Variants in FHIT observed in about 807,000 individuals in gnomAD.
FHIT encodes the protein bis(5'-adenosyl)-triphosphatase.
In FHIT, 19 loss-of-function variants were observed where a neutral mutation model predicts 17.9. That is an observed-to-expected ratio of 1.06 (90% CI 0.74 to 1.56). The LOEUF (loss-of-function observed/expected upper bound fraction) is 1.56, where lower values mean the gene tolerates loss of function less well. FHIT is among the 40% of genes most tolerant of loss of function. FHIT has a pLI of 0.00. For missense variants in FHIT, 248 were observed against 189.2 expected (o/e 1.31, Z -1.82); for synonymous variants, 81 against 69.7 (o/e 1.16, Z -0.81).
At chr3:60,881,680 A>G (rs1282831938) in intron 3 of FHIT, among the ~76,000 whole-genome samples, 1 of 152,176 alleles carries the variant, frequency 6.6e-6, no homozygotes, top group Non-Finnish European at 1.5e-5. Context: ...CAAAGACTCA[A>G]TACAGAAATT....
At chr3:59,974,412 C>T (rs546076667) in intron 7 of FHIT, among the ~76,000 whole-genome samples, 2 of 152,292 alleles carry the variant, frequency 1.3e-5, no homozygotes, top group East Asian at 3.9e-4. Flanking sequence ...TAAACACCTA[C>T]CTACTGGCTT....
chr3:60,957,999 T>G (rs1709249485), intron 3 of FHIT, among the ~76,000 whole-genome samples: 1 of 152,226 alleles, frequency 6.6e-6, no homozygotes, highest in African/African-American at 2.4e-5. Context: ...ATGCTGAATT[T>G]AGACTAGATT....
At chr3:59,776,624 C>G (rs1355568560) in intron 8 of FHIT, among the ~76,000 whole-genome samples, 1 of 152,088 alleles carries the variant, frequency 6.6e-6, no homozygotes, top group African/African-American at 2.4e-5. Context: ...TAAATGGACC[C>G]CTTGCTTCTA....
At chr3:60,113,898 T>C (rs1315483468) in intron 5 of FHIT, among the ~76,000 whole-genome samples, 13 of 136,096 alleles carry the variant, frequency 9.6e-5, no homozygotes, top group African/African-American at 3.3e-4. Context: ...GCTACTGGGG[T>C]GGCTGAGGCA....
At chr3:59,952,249 CT>C (rs1336382247) in intron 7 of FHIT, among the ~76,000 whole-genome samples, 1 of 152,172 alleles carries the variant, frequency 6.6e-6, no homozygotes, top group African/African-American at 2.4e-5. Flanking sequence ...CACCTCTTTC[CT>C]GAACAACCTG....
At chr3:60,781,976 T>G (rs994523595) in intron 4 of FHIT, among the ~76,000 whole-genome samples, 3 of 152,168 alleles carry the variant, frequency 2.0e-5, no homozygotes, top group Non-Finnish European at 4.4e-5. Context: ...TCGATTCTCC[T>G]AACTGAATCA....
At chr3:61,184,541 G>T (rs1488333987) in intron 2 of FHIT, among the ~76,000 whole-genome samples, 4 of 152,038 alleles carry the variant, frequency 2.6e-5, no homozygotes, top group Non-Finnish European at 5.9e-5. Flanking sequence ...GGATGTCTGT[G>T]AACAAATATG....
intron 5 of FHIT, among the ~76,000 whole-genome samples, chr3:60,150,152 C>T (rs1013547495): frequency 6.6e-6 from 1 of 151,682 alleles, no homozygotes; most frequent in South Asian, 2.1e-4. Flanking sequence ...ATGCGCCCCC[C>T]ACGCCCGGCT....
intron 3 of FHIT, among the ~76,000 whole-genome samples, chr3:61,018,216 AC>A (rs980501255): frequency 2.2e-4 from 34 of 152,318 alleles, no homozygotes; most frequent in Admixed American, 1.8e-3. Context: ...TGGAACCAGT[AC>A]TTTAAAACAT....
At chr3:59,924,183 C>A (rs561176914) in intron 7 of FHIT, among the ~76,000 whole-genome samples, 1 of 152,284 alleles carries the variant, frequency 6.6e-6, no homozygotes, top group South Asian at 2.1e-4. Flanking sequence ...AGGAAAATAA[C>A]GTAGAACAAG....
intron 2 of FHIT, among the ~76,000 whole-genome samples, chr3:61,082,352 C>A (rs1463398938): frequency 1.3e-5 from 2 of 152,182 alleles, no homozygotes; most frequent in Non-Finnish European, 2.9e-5. Context: ...TCAGCACATG[C>A]TTTTGTATCT....
At chr3:60,249,420 G>A (rs1398261943) in intron 5 of FHIT, among the ~76,000 whole-genome samples, 2 of 152,040 alleles carry the variant, frequency 1.3e-5, no homozygotes, top group Non-Finnish European at 2.9e-5. Flanking sequence ...CATCACTTGG[G>A]CTATAAGGAT....
chr3:60,741,349 A>G lies in FHIT; in HGVS notation c.-18+80570T>C, dbSNP rs17031631. 9.8e-3 allele frequency among the ~76,000 whole-genome samples: 1,485 copies of G among 152,278 alleles called. 27 individuals carry two copies. Among genetic ancestry groups the G allele is most frequent in the African/African-American group, 0.034 (1,417 of 41,542 alleles). ...GACCCTATTGCAATCGAGTTTAAGG[A>G]GTTTGTAGACAGGAACCCTATCTGA... On this transcript the variant is annotated intron_variant, in intron 4 of 9. Coordinates refer to ENST00000492590, the MANE Select transcript of FHIT (RefSeq NM_002012.4).
chr3:60,865,850 G>C (rs1270855483), intron 3 of FHIT, among the ~76,000 whole-genome samples: 2 of 152,220 alleles, frequency 1.3e-5, no homozygotes, highest in Non-Finnish European at 2.9e-5. Flanking sequence ...CTGCTGCTTA[G>C]AGAAGTAGAG....
intron 5 of FHIT, among the ~76,000 whole-genome samples, chr3:60,421,116 A>G (rs757733394): frequency 1.3e-4 from 19 of 150,158 alleles, no homozygotes; most frequent in South Asian, 2.1e-4. Context: ...GCTTTTCTTC[A>G]TTGGCATTTT....
rs553643623 is a variant in FHIT at position 60,761,498 on chromosome 3, G to A, written c.-18+60421C>T. Among the ~76,000 whole-genome samples, 28 of 151,856 alleles carry A rather than the reference G, an allele frequency of 1.8e-4. No homozygotes were observed. In the South Asian group the frequency reaches 3.7e-3, roughly 20 times the overall value. Reference sequence around the variant, plus strand: ...AATGAGTTTTCACTAAATGACTTTCGAAATATTTACTTGCAAGTATAAAGG... The same window carrying A: ...AATGAGTTTTCACTAAATGACTTTCAAAATATTTACTTGCAAGTATAAAGG... On this transcript the variant is annotated intron_variant, in intron 4 of 9. Transcript: ENST00000492590.
chr3:60,462,279 T>C (rs563787184), intron 5 of FHIT, among the ~76,000 whole-genome samples: 1 of 152,280 alleles, frequency 6.6e-6, no homozygotes, highest in South Asian at 2.1e-4. Context: ...AAGAATGAGG[T>C]ACAGTGATCA....
chr3:59,852,816 T>A (rs760662515), intron 8 of FHIT, among the ~76,000 whole-genome samples: 1 of 152,202 alleles, frequency 6.6e-6, no homozygotes, highest in Non-Finnish European at 1.5e-5. Flanking sequence ...CTTAGTAATA[T>A]ACATTTAAGT....
intron 3 of FHIT, among the ~76,000 whole-genome samples, chr3:60,866,374 T>A (rs1349217206): frequency 1.3e-5 from 2 of 152,144 alleles, no homozygotes; most frequent in South Asian, 4.1e-4. Context: ...CCCCCTTTTC[T>A]CTCTCTTGAG....
Sources: allele counts gnomAD v4.1 joint callset (sites outside exome capture counted in the v4.1 genomes callset), GRCh38; gene constraint gnomAD v4.1.1; transcripts MANE v1.5; gene names NCBI Gene and HGNC (gene_info 2026-07-23, HGNC 2026-07-21).